ZGPAT: variants seen among roughly 807,000 people sequenced by gnomAD.
ZGPAT encodes zinc finger CCCH-type and G-patch domain containing, also known as zinc finger CCCH-type with G patch domain-containing protein.
ZGPAT carries 39 observed loss-of-function variants against 47.9 expected under a neutral mutation model. The observed-to-expected ratio is 0.81, with a 90% CI of 0.63 to 1.06. The LOEUF is 1.06. Among genes scored for constraint, ZGPAT ranks in the 50% least tolerant of loss-of-function variants. The pLI, the probability that ZGPAT is intolerant of heterozygous loss-of-function variation, is 0.00. For missense variants in ZGPAT, 717 were observed against 681.4 expected, an observed-to-expected ratio of 1.05 and a Z score of -0.58; for synonymous variants, 348 against 292.9, an observed-to-expected ratio of 1.19 and a Z score of -1.92.
intron 2 of ZGPAT, among the ~76,000 whole-genome samples, chr20:63,714,649 A>AT (rs1010098415): frequency 3.2e-4 from 47 of 148,294 alleles, no homozygotes; most frequent in Non-Finnish European, 4.9e-4. Context: ...AAGGGTGTTG[A>AT]TTTTTTTTTT....
chr20:63,728,143 TCTC>T (rs2091863161), intron 2 of ZGPAT, among the ~76,000 whole-genome samples: 1 of 151,726 alleles, frequency 6.6e-6, no homozygotes, highest in African/African-American at 2.4e-5. Context: ...TTCAAGCAAT[TCTC>T]CTGCCTCAGC....
chr20:63,713,871 CAAA>C (rs749234322), intron 2 of ZGPAT, among the ~76,000 whole-genome samples: 3 of 81,102 alleles, frequency 3.7e-5, no homozygotes. Context: ...GACTTCATCT[CAAA>C]AAAAAAAAAA....
Position 63,735,174 on chromosome 20 carries a change from C to A in ZGPAT, c.1007C>A (p.Ala336Glu), listed in dbSNP as rs1379139299. ...YEFGKGLGRH[A>E]EGRVEPIHAV... ...GCCTCCGCAGGTTTGGGCCGACACG[C>A]GGAAGGCCGGGTGGAGCCCATCCAT... Residue 336 changes from alanine (A) to glutamate (E), a missense_variant, in exon 6 of 7, where the codon GCG becomes GAG. Coordinates refer to ENST00000355969, the MANE Select transcript of ZGPAT (RefSeq NM_181485.3). 2.0e-6 allele frequency: 3 copies of A among 1,517,966 alleles called. No homozygotes were observed. Among genetic ancestry groups the A allele is most frequent in the South Asian group, 2.6e-5 (2 of 76,000 alleles). 94.0% of individuals were successfully genotyped at this position (1,517,966 alleles called of 1,614,324 possible). A position where few individuals can be genotyped will look rare whatever the true frequency, so the allele number is the denominator to read the frequency against.
intron 2 of ZGPAT, among the ~76,000 whole-genome samples, chr20:63,722,806 T>C (rs1432406842): frequency 6.6e-6 from 1 of 152,092 alleles, no homozygotes; most frequent in Admixed American, 6.6e-5. Flanking sequence ...TAATTTTGTA[T>C]TTTTAGTAGA....
rs768737303 is a variant in ZGPAT at position 63,709,267 on chromosome 20, G to C, written c.584+103G>C. 8.6e-6 allele frequency: 11 copies of C among 1,280,226 alleles called. No individual in the cohort carries two copies. The African/African-American group carries it at 1.5e-4, about 17-fold the overall frequency. The allele number at this position is 1,280,226 out of a possible 1,614,324, so 79.3% of individuals were successfully genotyped here. ...CCCTTTGCTTTGCAGTTTTGTCTCA[G>C]CTTCCTGGGGCAGGCGTGCTTTGAC... is the stretch of plus-strand genomic sequence containing the variant. On this transcript the variant is annotated intron_variant, in intron 2 of 6. Coordinates refer to ENST00000355969, the MANE Select transcript of ZGPAT (RefSeq NM_181485.3).
intron 2 of ZGPAT, among the ~76,000 whole-genome samples, chr20:63,719,859 G>T (rs1375848253): frequency 6.6e-6 from 1 of 151,470 alleles, no homozygotes; most frequent in African/African-American, 2.4e-5. Flanking sequence ...TCCTGCCTCA[G>T]CCTCCCAAGT....
intron 2 of ZGPAT, among the ~76,000 whole-genome samples, chr20:63,710,126 C>G (rs1474612474): frequency 6.6e-6 from 1 of 150,618 alleles, no homozygotes; most frequent in Non-Finnish European, 1.5e-5. Flanking sequence ...TCCCAAAGTG[C>G]TGGGATGACA....
At chr20:63,731,281 G>T (rs1478484905) in intron 2 of ZGPAT, among the ~76,000 whole-genome samples, 1 of 146,456 alleles carries the variant, frequency 6.8e-6, no homozygotes, top group African/African-American at 2.4e-5. Flanking sequence ...GTCTGTGTGT[G>T]TGATGTGTGT....
chr20:63,713,128 A>G (rs35046559), intron 2 of ZGPAT, among the ~76,000 whole-genome samples: 29,229 of 150,240 alleles, frequency 0.19, 3,784 homozygotes, highest in East Asian at 0.62. Context: ...CTGGAGTGCA[A>G]TGGCACAATC....
intron 2 of ZGPAT, among the ~76,000 whole-genome samples, chr20:63,732,776 G>T (rs575763280): frequency 6.9e-6 from 1 of 145,726 alleles, no homozygotes; most frequent in African/African-American, 2.6e-5. Flanking sequence ...ATGTATATGC[G>T]TGTGTGTATG....
Position 63,733,105 on chromosome 20 carries a change from C to T in ZGPAT, c.585-114C>T, listed in dbSNP as rs112447887. On this transcript the variant is annotated intron_variant, in intron 2 of 6. Transcript: ENST00000355969. Reference sequence around the variant, plus strand: ...GTGAGAGTGTGTATGTATACGCACGCGTGTGTGTCTGTCTCCCTCAGGACA... The same window carrying T: ...GTGAGAGTGTGTATGTATACGCACGTGTGTGTGTCTGTCTCCCTCAGGACA... 4,312 of 1,387,596 alleles carry T rather than the reference C, an allele frequency of 3.1e-3. 116 individuals are homozygous for T. The African/African-American group carries it at 0.056, about 18-fold the overall frequency. The allele number at this position is 1,387,596 out of a possible 1,614,324, so 86.0% of individuals were successfully genotyped here.
At chr20:63,719,737 T>A (rs2091767824) in intron 2 of ZGPAT, among the ~76,000 whole-genome samples, 1 of 151,466 alleles carries the variant, frequency 6.6e-6, no homozygotes, top group African/African-American at 2.4e-5. Context: ...TTTTATTTAG[T>A]TATTAATTTT....
intron 2 of ZGPAT, among the ~76,000 whole-genome samples, chr20:63,723,119 C>T (rs1444375536): frequency 2.0e-5 from 3 of 151,144 alleles, no homozygotes; most frequent in Non-Finnish European, 4.4e-5. Context: ...TGACACAGCT[C>T]CATCCTCCCT....
intron 2 of ZGPAT, among the ~76,000 whole-genome samples, chr20:63,727,936 C>G (rs2091861211): frequency 6.6e-6 from 1 of 151,662 alleles, no homozygotes; most frequent in Non-Finnish European, 1.5e-5. Context: ...TTTCCTGAGT[C>G]TTGTGTTCTG....
intron 2 of ZGPAT, among the ~76,000 whole-genome samples, chr20:63,722,485 A>G (rs949892417): frequency 6.6e-6 from 1 of 151,806 alleles, no homozygotes; most frequent in Non-Finnish European, 1.5e-5. Context: ...GGAGCTGCCA[A>G]CTCCATCATT....
At chr20:63,733,110 G>C in intron 2 of ZGPAT, 109 bp from the exon 3 acceptor site, 2 of 1,437,870 alleles carry the variant, frequency 1.4e-6, no homozygotes, top group Non-Finnish European at 1.9e-6. Context: ...GCACGCGTGT[G>C]TGTCTGTCTC....
Position 63,730,632 on chromosome 20 carries a change from G to A in ZGPAT, c.585-2587G>A, listed in dbSNP as rs147647708. The stretch of plus-strand genomic sequence containing the variant: ...CCCGAGTAGGTGGGACTATAGGCAC[G>A]CGCCACCACACCCGGCTAATTTTTG... On this transcript the variant is annotated intron_variant, in intron 2 of 6. Coordinates refer to ENST00000355969, the MANE Select transcript of ZGPAT (RefSeq NM_181485.3). Among the ~76,000 whole-genome samples the A allele has an allele frequency of 6.4e-3, 981 of 152,188 alleles. 6 individuals are homozygous for A. The highest frequency in any genetic ancestry group is 9.4e-3 in the Non-Finnish European group (638 of 68,008).
At chr20:63,714,127 TA>T (rs2091701158) in intron 2 of ZGPAT, among the ~76,000 whole-genome samples, 1 of 152,052 alleles carries the variant, frequency 6.6e-6, no homozygotes, top group African/African-American at 2.4e-5. Context: ...CAATGTTGAA[TA>T]AAAGTGACTA....
Position 63,732,468 on chromosome 20 carries a change from T to C in ZGPAT, c.585-751T>C, listed in dbSNP as rs761735549. On this transcript the variant is annotated intron_variant, in intron 2 of 6. Transcript: ENST00000355969. ...GTAGGTAAGGGTGCTTGTGTGCGCATGTGTGTGGGTGAGGGCGTATGTGTG... is the reference window on the plus strand; with the variant it reads ...GTAGGTAAGGGTGCTTGTGTGCGCACGTGTGTGGGTGAGGGCGTATGTGTG... Among the ~76,000 whole-genome samples the C allele has an allele frequency of 2.2e-4, 33 of 146,994 alleles. No individual in the cohort carries two copies. The East Asian group carries it at 2.7e-3, about 12-fold the overall frequency.
Sources: gnomAD v4.1 joint callset for allele counts (sites outside exome capture counted in the v4.1 genomes callset) on GRCh38, gnomAD v4.1.1 for gene constraint, MANE v1.5 for transcripts, NCBI Gene and HGNC (gene_info 2026-07-23, HGNC 2026-07-21) for gene names.